The following DCC variants were observed in gnomAD, a reference collection of about 807,000 sequenced individuals.
DCC encodes DCC netrin 1 receptor, also known as netrin receptor DCC.
DCC carries 58 observed loss-of-function variants against 172.5 expected under a neutral mutation model. The observed-to-expected ratio is 0.34, with a 90% CI of 0.27 to 0.42. DCC has a LOEUF of 0.42. Among genes scored for constraint, DCC ranks in the 10% least tolerant of loss-of-function variants. The pLI is 1.00. For missense variants in DCC, 1,740 were observed against 1,791.0 expected, an observed-to-expected ratio of 0.97 and a Z score of 0.51; for synonymous variants, 709 against 644.5, an observed-to-expected ratio of 1.10 and a Z score of -1.52.
At chr18:53,319,580 A>G (rs901629241) in intron 13 of DCC, among the ~76,000 whole-genome samples, 2 of 152,336 alleles carry the variant, frequency 1.3e-5, no homozygotes, top group Admixed American at 1.3e-4. Context: ...TATCAGTCAG[A>G]TTTTCACCAG....
intron 1 of DCC, among the ~76,000 whole-genome samples, chr18:52,478,647 A>G (rs1462891422): frequency 2.0e-5 from 3 of 152,230 alleles, no homozygotes; most frequent in Non-Finnish European, 4.4e-5. Context: ...CAGGAAACTT[A>G]CAATCCTGGC....
chr18:52,860,001 C>T (rs1310035188), intron 2 of DCC, among the ~76,000 whole-genome samples: 2 of 152,120 alleles, frequency 1.3e-5, no homozygotes, highest in African/African-American at 2.4e-5. Flanking sequence ...TTTTGTAGTC[C>T]AGAGAGTAGA....
intron 1 of DCC, among the ~76,000 whole-genome samples, chr18:52,743,714 G>A (rs530495093): frequency 6.6e-6 from 1 of 152,290 alleles, no homozygotes; most frequent in African/African-American, 2.4e-5. Context: ...CCATGTGCTC[G>A]GAATGTCGGA....
intron 5 of DCC, chr18:52,934,895 C>T (rs963237370): frequency 6.6e-6 from 1 of 152,152 alleles, no homozygotes; most frequent in Non-Finnish European, 1.5e-5. Context: ...TTGCTGGTAC[C>T]TTGATCTTGA....
At chr18:52,387,858 A>G (rs1376682358) in intron 1 of DCC, among the ~76,000 whole-genome samples, 1 of 152,014 alleles carries the variant, frequency 6.6e-6, no homozygotes, top group Non-Finnish European at 1.5e-5. Context: ...ATAGGAAAAT[A>G]ATACACATTT....
At chr18:52,594,039 A>G (rs1441482299) in intron 1 of DCC, among the ~76,000 whole-genome samples, 1 of 152,210 alleles carries the variant, frequency 6.6e-6, no homozygotes, top group Non-Finnish European at 1.5e-5. Context: ...AATAGGGAGT[A>G]GGCAGCTGGC....
intron 1 of DCC, among the ~76,000 whole-genome samples, chr18:52,705,918 C>A (rs1785135205): frequency 6.6e-6 from 1 of 152,254 alleles, no homozygotes; most frequent in African/African-American, 2.4e-5. Context: ...CATCTCCATA[C>A]CAGACATTTT....
chr18:52,407,712 G>A (rs893464344), intron 1 of DCC, among the ~76,000 whole-genome samples: 3 of 152,004 alleles, frequency 2.0e-5, no homozygotes, highest in African/African-American at 7.2e-5. Flanking sequence ...TGAATGAATG[G>A]TTAGGTTGGA....
chr18:53,065,182 C>T (rs1391151218), intron 6 of DCC, among the ~76,000 whole-genome samples: 1 of 152,118 alleles, frequency 6.6e-6, no homozygotes, highest in Non-Finnish European at 1.5e-5. Context: ...AAGAATTTTA[C>T]ATCAGCTAGG....
chr18:52,841,012 G>T (rs896042651), intron 2 of DCC, among the ~76,000 whole-genome samples: 1 of 152,144 alleles, frequency 6.6e-6, no homozygotes, highest in Non-Finnish European at 1.5e-5. Context: ...TGTGGAAGCT[G>T]ATTTAGGTAG....
chr18:52,367,499 G>A (rs1223829384), intron 1 of DCC, among the ~76,000 whole-genome samples: 1 of 152,218 alleles, frequency 6.6e-6, no homozygotes, highest in African/African-American at 2.4e-5. Flanking sequence ...CTCCTCTTCA[G>A]AAGGACACTG....
chr18:53,110,501 A>C (rs1024130345), intron 7 of DCC, among the ~76,000 whole-genome samples: 1 of 151,758 alleles, frequency 6.6e-6, no homozygotes, highest in African/African-American at 2.4e-5. Context: ...GTAAGATCTA[A>C]ATCCAGCAGA....
rs538380559 is a variant in DCC at position 52,936,277 on chromosome 18, T to C, written c.985+10907T>C. Among the ~76,000 whole-genome samples the C allele has an allele frequency of 9.2e-4, 56 of 60,664 alleles. 8 individuals are homozygous for C. In the South Asian group the frequency reaches 0.016, roughly 18 times the overall value. The allele number at this position is 60,664 out of a possible 152,430, so 39.8% of individuals were successfully genotyped here. On this transcript the variant is annotated intron_variant, in intron 5 of 28. Transcript: ENST00000442544. ...TTTAAAAGATTCTGTTGAATATTTA[T>C]ATGAATTAGAAGAAGAGACAATGTA...
Position 53,216,672 on chromosome 18 carries a change from G to T in DCC, c.1911+1075G>T, listed in dbSNP as rs117774417. ...CTATGAGGAAGCCATATCTTGTGAT[G>T]TTAATTGGATTTGTCTCAGTCAAAT... On this transcript the variant is annotated intron_variant, in intron 12 of 28. Coordinates refer to ENST00000442544, the MANE Select transcript of DCC (RefSeq NM_005215.4). Among the ~76,000 whole-genome samples the T allele has an allele frequency of 8.9e-4, 136 of 152,250 alleles. 1 individual carries two copies. The East Asian group carries it at 0.024, about 27-fold the overall frequency.
At chr18:52,956,859 C>T (rs2040753102) in intron 5 of DCC, among the ~76,000 whole-genome samples, 1 of 152,008 alleles carries the variant, frequency 6.6e-6, no homozygotes, top group Non-Finnish European at 1.5e-5. Flanking sequence ...CTATAAAGCT[C>T]AAATTTGATT....
Position 52,340,706 on chromosome 18 carries a change from A to C in DCC, c.-82A>C. 1 of 950,104 alleles carries C rather than the reference A, an allele frequency of 1.1e-6. No individual in the cohort carries two copies. Among genetic ancestry groups the C allele is most frequent in the South Asian group, 1.3e-5 (1 of 77,856 alleles). The allele number at this position is 950,104 out of a possible 1,614,324, so 58.9% of individuals were successfully genotyped here. A position where few individuals can be genotyped will look rare whatever the true frequency, so the allele number is the denominator to read the frequency against. On this transcript the variant is annotated 5_prime_UTR_variant, in exon 1 of 29. The change abolishes an upstream ATG in the 5' untranslated region. Transcript: ENST00000442544. ...GAAGGGGCTCGGCGCGTGTGTGTGC[A>C]TGTGTGCATGCGTGTGTGAGTGCAT...
chr18:53,297,944 C>T (rs1242689849), intron 12 of DCC, among the ~76,000 whole-genome samples: 1 of 152,166 alleles, frequency 6.6e-6, no homozygotes, highest in Admixed American at 6.5e-5. Context: ...ATAATAATCA[C>T]TTCCAAAGAT....
intron 12 of DCC, among the ~76,000 whole-genome samples, chr18:53,275,391 T>C (rs2056793373): frequency 6.6e-6 from 1 of 152,070 alleles, no homozygotes; most frequent in African/African-American, 2.4e-5. Flanking sequence ...TTTGGAAAAC[T>C]CAGTCAAATA....
intron 21 of DCC, among the ~76,000 whole-genome samples, chr18:53,428,157 TATA>T (rs1306871572): frequency 1.6e-4 from 6 of 37,842 alleles, no homozygotes; most frequent in South Asian, 9.0e-4. Context: ...TAATATATAA[TATA>T]ATAATATATA....
Sources: gnomAD v4.1 joint callset for allele counts (sites outside exome capture counted in the v4.1 genomes callset) on GRCh38, gnomAD v4.1.1 for gene constraint, MANE v1.5 for transcripts, NCBI Gene and HGNC (gene_info 2026-07-23, HGNC 2026-07-21) for gene names.